GLRA2: variants seen among roughly 807,000 people sequenced by gnomAD.
GLRA2 encodes glycine receptor alpha 2.
In GLRA2, 11 loss-of-function variants were observed where a neutral mutation model predicts 31.6. The observed-to-expected ratio is 0.35, with a 90% confidence interval of 0.22 to 0.58. The LOEUF (loss-of-function observed/expected upper bound fraction) is 0.58, where lower values mean the gene tolerates loss of function less well. Among genes scored for constraint, GLRA2 ranks in the 20% least tolerant of loss-of-function variants. The probability of loss-of-function intolerance (pLI) is 0.84; values close to 1 mark genes in which losing one functional copy is unlikely to be tolerated. For synonymous variants in GLRA2, 132 were observed against 134.0 expected, an observed-to-expected ratio of 0.99 and a Z score of 0.10; for missense variants, 212 against 351.8, an observed-to-expected ratio of 0.60 and a Z score of 3.18.
At chrX:14,577,616 C>T (rs1397073106) in intron 3 of GLRA2, among the ~76,000 whole-genome samples, 1 of 112,131 alleles carries the variant, frequency 8.9e-6, no homozygotes, top group Non-Finnish European at 1.9e-5. Context: ...AGACTGCTGA[C>T]TTCCTCTGGT....
chrX:14,638,276 T>C (rs2090734901), intron 7 of GLRA2, among the ~76,000 whole-genome samples: 1 of 111,109 alleles, frequency 9.0e-6, no homozygotes, highest in Non-Finnish European at 1.9e-5. Context: ...ATCTGCACAA[T>C]GTACTTTCAA....
At chrX:14,547,192 C>A (rs1601698314) in intron 2 of GLRA2, among the ~76,000 whole-genome samples, 1 of 111,351 alleles carries the variant, frequency 9.0e-6, no homozygotes, top group East Asian at 2.9e-4. Flanking sequence ...CAAAAATAAA[C>A]TCCTGTACTT....
intron 7 of GLRA2, among the ~76,000 whole-genome samples, chrX:14,613,454 A>G (rs1160036728): frequency 9.0e-6 from 1 of 111,387 alleles, no homozygotes; most frequent in Non-Finnish European, 1.9e-5. Context: ...CATGGATCAA[A>G]AATATTTTTA....
intron 8 of GLRA2, among the ~76,000 whole-genome samples, chrX:14,728,198 T>C (rs1228836569): frequency 1.8e-5 from 2 of 110,117 alleles, no homozygotes; most frequent in Non-Finnish European, 3.8e-5. Flanking sequence ...AGACCAGCCT[T>C]AGCAACATAG....
chrX:14,656,807 T>C (rs1278028634), intron 7 of GLRA2, among the ~76,000 whole-genome samples: 1 of 112,124 alleles, frequency 8.9e-6, no homozygotes, highest in Non-Finnish European at 1.9e-5. Flanking sequence ...AATAAAAATA[T>C]GAAGCAGGAT....
At chrX:14,525,634 A>T (rs2089185006), upstream of GLRA2, among the ~76,000 whole-genome samples, 1 of 111,599 alleles carries the variant, frequency 9.0e-6, no homozygotes, top group South Asian at 3.7e-4. Context: ...TGACTTGTCC[A>T]GTCACATAAC....
rs375504397 is a variant in GLRA2 at position 14,730,510 on chromosome X, T to G, written c.*25T>G. On this transcript the variant is annotated 3_prime_UTR_variant, in exon 9 of 9. Transcript: ENST00000218075. Reference sequence around the variant, plus strand: ...GATGTGCCCTACAGACCCTGGGACCTTCTTGCCTCAGTGTTGTGCTTGTAA... The same window carrying G: ...GATGTGCCCTACAGACCCTGGGACCGTCTTGCCTCAGTGTTGTGCTTGTAA... 2.0e-5 allele frequency: 23 copies of G among 1,139,355 alleles called. No individual in the cohort carries two copies. The African/African-American group carries it at 4.1e-4, about 20-fold the overall frequency. 93.9% of individuals were successfully genotyped at this position (1,139,355 alleles called of 1,213,427 possible).
chrX:14,711,360 C>T (rs1236039092), intron 8 of GLRA2, among the ~76,000 whole-genome samples: 2 of 112,371 alleles, frequency 1.8e-5, no homozygotes, highest in Non-Finnish European at 3.8e-5. Context: ...ATGAGATTCT[C>T]TCTTTCAAGA....
intron 7 of GLRA2, among the ~76,000 whole-genome samples, chrX:14,612,666 C>G (rs1467488521): frequency 9.0e-6 from 1 of 110,884 alleles, no homozygotes; most frequent in Non-Finnish European, 1.9e-5. Flanking sequence ...GAGTTCATAT[C>G]CTTTGCAGGG....
At chrX:14,687,597 G>A (rs1208990091) in intron 7 of GLRA2, among the ~76,000 whole-genome samples, 8 of 111,727 alleles carry the variant, frequency 7.2e-5, no homozygotes, top group African/African-American at 2.0e-4. Context: ...TGATCGAATC[G>A]GCTACTGAAG....
the GLRA2 span, among the ~76,000 whole-genome samples, chrX:14,451,388 TGGGAGGCCGA>T: frequency 9.0e-6 from 1 of 110,531 alleles, no homozygotes; most frequent in Non-Finnish European, 1.9e-5. Context: ...CTCACCACTT[TGGGAGGCCGA>T]GGTGGGTGGA....
intron 7 of GLRA2, among the ~76,000 whole-genome samples, chrX:14,669,339 T>C (rs2091066921): frequency 8.9e-6 from 1 of 111,738 alleles, no homozygotes; most frequent in South Asian, 3.7e-4. Flanking sequence ...AAGCTGTCAG[T>C]GGAGCTATCA....
the GLRA2 span, among the ~76,000 whole-genome samples, chrX:14,488,029 C>A: frequency 9.0e-6 from 1 of 111,635 alleles, no homozygotes; most frequent in African/African-American, 3.3e-5. Flanking sequence ...CCTAATGCAG[C>A]TGCCATGAAG....
intron 7 of GLRA2, among the ~76,000 whole-genome samples, chrX:14,681,369 CTTCT>C (rs1179510898): frequency 9.0e-6 from 1 of 111,064 alleles, no homozygotes; most frequent in Non-Finnish European, 1.9e-5. Flanking sequence ...TCCTTCCTTC[CTTCT>C]TTCATTCAAT....
intron 7 of GLRA2, among the ~76,000 whole-genome samples, chrX:14,622,622 A>G (rs2090534705): frequency 8.9e-6 from 1 of 111,740 alleles, no homozygotes; most frequent in South Asian, 3.7e-4. Context: ...TCCTTTCCCC[A>G]TTTCTTGTTC....
intron 4 of GLRA2, among the ~76,000 whole-genome samples, chrX:14,594,267 T>A (rs113002711): frequency 2.7e-5 from 3 of 111,589 alleles, no homozygotes; most frequent in African/African-American, 9.8e-5. Context: ...CCCTTTTTTT[T>A]AAAGTAAAAT....
At chrX:14,535,011 A>G (rs1181000746) in intron 2 of GLRA2, among the ~76,000 whole-genome samples, 1 of 111,724 alleles carries the variant, frequency 9.0e-6, no homozygotes, top group Non-Finnish European at 1.9e-5. Context: ...GTGAATGCAT[A>G]CAGAATAGTA....
chrX:14,585,564 T>C (rs1219427849), intron 4 of GLRA2, among the ~76,000 whole-genome samples: 1 of 111,253 alleles, frequency 9.0e-6, no homozygotes, highest in African/African-American at 3.3e-5. Flanking sequence ...GGGGGTACAG[T>C]TGTGTCCATG....
chrX:14,530,191 G>A, intron 1 of GLRA2, 66 bp downstream of exon 1: 1 of 650,755 alleles, frequency 1.5e-6, no homozygotes, highest in Non-Finnish European at 2.6e-6. Context: ...ATGTAATTGT[G>A]TATTTATCTG....
Sources: allele counts gnomAD v4.1 joint callset (sites outside exome capture counted in the v4.1 genomes callset), GRCh38; gene constraint gnomAD v4.1.1; transcripts MANE v1.5; gene names NCBI Gene and HGNC (gene_info 2026-07-23, HGNC 2026-07-21).